RBFOX1: variants seen among roughly 807,000 people sequenced by gnomAD.
RBFOX1 encodes the protein RNA binding protein fox-1 homolog 1.
A neutral mutation model predicts 57.7 loss-of-function variants in RBFOX1; 8 were observed. The ratio of observed to expected loss-of-function variants is 0.14; its 90% CI spans 0.08 to 0.25. RBFOX1 has a LOEUF of 0.25. RBFOX1 is among the 10% of genes least tolerant of loss of function. RBFOX1 has a pLI of 1.00. For missense variants in RBFOX1, 611 were observed against 548.5 expected (o/e 1.11, Z -1.14); for synonymous variants, 326 against 222.4 (o/e 1.47, Z -4.15).
At chr16:6,849,103 T>A (rs1446869670) in intron 3 of RBFOX1, among the ~76,000 whole-genome samples, 1 of 152,168 alleles carries the variant, frequency 6.6e-6, no homozygotes, top group Non-Finnish European at 1.5e-5. Flanking sequence ...ACGCTCCACA[T>A]TTCTCCTTTG....
chr16:5,834,026 C>T (rs763085824), intron 3 of RBFOX1, among the ~76,000 whole-genome samples: 6 of 152,340 alleles, frequency 3.9e-5, no homozygotes, highest in Non-Finnish European at 8.8e-5. Context: ...TTTTTATCCT[C>T]AGTGTCCAGC....
At chr16:6,572,642 G>A (rs368528726) in intron 2 of RBFOX1, among the ~76,000 whole-genome samples, 44 of 151,854 alleles carry the variant, frequency 2.9e-4, no homozygotes, top group African/African-American at 1.0e-3. Flanking sequence ...ACCCAGGCTG[G>A]AGTGCAGTGT....
At position 5,513,659 on chromosome 16, in the gene RBFOX1, TTCAA is replaced by T. The variant is rs551780976; in HGVS notation, c.258+46409_258+46412del. On this transcript the variant is annotated intron_variant, in intron 2 of 2. Coordinates refer to the RBFOX1 transcript ENST00000585867. ...TTATTCCCCCACATTTGTTTATTTATTCAATCATTTATTTACATCACGATGGGAC... is the reference window on the plus strand; with the variant it reads ...TTATTCCCCCACATTTGTTTATTTATTCATTTATTTACATCACGATGGGAC... Among the ~76,000 whole-genome samples, 7 of 152,380 alleles carry T rather than the reference TTCAA, an allele frequency of 4.6e-5. No individual in the cohort carries two copies. In the East Asian group the frequency reaches 1.3e-3, roughly 29 times the overall value.
intron 2 of RBFOX1, among the ~76,000 whole-genome samples, chr16:6,645,463 T>C (rs868713483): frequency 2.0e-5 from 3 of 152,118 alleles, no homozygotes; most frequent in African/African-American, 4.8e-5. Flanking sequence ...ATGCTGCTGG[T>C]AAGGGATCCG....
At chr16:6,484,802 A>G (rs1436586887) in intron 2 of RBFOX1, among the ~76,000 whole-genome samples, 2 of 152,352 alleles carry the variant, frequency 1.3e-5, no homozygotes, top group South Asian at 2.1e-4. Context: ...TTATTTGCTA[A>G]AAGAGTCACT....
intron 2 of RBFOX1, among the ~76,000 whole-genome samples, chr16:6,537,872 T>G (rs2096757091): frequency 6.6e-6 from 1 of 151,920 alleles, no homozygotes; most frequent in Non-Finnish European, 1.5e-5. Flanking sequence ...TAAATTGAGT[T>G]AAATCATTAT....
intron 1 of RBFOX1, among the ~76,000 whole-genome samples, chr16:5,308,383 A>T (rs532796396): frequency 6.6e-6 from 1 of 151,814 alleles, no homozygotes; most frequent in Non-Finnish European, 1.5e-5. Context: ...CGCTCCCAAG[A>T]GGCAACAACT....
intron 3 of RBFOX1, among the ~76,000 whole-genome samples, chr16:6,779,862 TA>T (rs2080179005): frequency 3.6e-5 from 1 of 27,660 alleles, no homozygotes; most frequent in African/African-American, 2.1e-4. Flanking sequence ...TATATATATT[TA>T]TATATTTATA....
chr16:6,227,974 G>A (rs1366893392), intron 1 of RBFOX1, among the ~76,000 whole-genome samples: 4 of 152,160 alleles, frequency 2.6e-5, no homozygotes, highest in Non-Finnish European at 1.5e-5. Context: ...ATATATCGGA[G>A]AGATGTCTGC....
chr16:7,094,779 T>TGTGTGG (rs1555466483), intron 4 of RBFOX1, among the ~76,000 whole-genome samples: 4 of 135,050 alleles, frequency 3.0e-5, no homozygotes, highest in East Asian at 2.1e-4. Context: ...TGTGTGTGGG[T>TGTGTGG]GTGTGTGTGT....
In RBFOX1 at chr16:7,072,902, T is replaced by A. The variant is rs116510880; in HGVS notation, c.27+20804T>A. On this transcript the variant is annotated intron_variant, in intron 4 of 15. Coordinates refer to ENST00000550418, the MANE Select transcript of RBFOX1 (RefSeq NM_018723.4). ...TTGGGGATGAGGAAGTAGCTGGAATTTGTGGAACCGGTTGCTACAGAAAGG... is the reference window on the plus strand; with the variant it reads ...TTGGGGATGAGGAAGTAGCTGGAATATGTGGAACCGGTTGCTACAGAAAGG... 9.1e-4 allele frequency among the ~76,000 whole-genome samples: 138 copies of A among 152,294 alleles called. 1 individual carries two copies. Among genetic ancestry groups the A allele is most frequent in the African/African-American group, 3.2e-3 (134 of 41,576 alleles).
chr16:6,614,816 C>T (rs183270662), intron 2 of RBFOX1, among the ~76,000 whole-genome samples: 1 of 152,276 alleles, frequency 6.6e-6, no homozygotes, highest in African/African-American at 2.4e-5. Flanking sequence ...CCTAGGGACT[C>T]ACCCTACTCC....
chr16:5,327,799 G>A (rs913242350), intron 1 of RBFOX1, among the ~76,000 whole-genome samples: 12 of 152,192 alleles, frequency 7.9e-5, no homozygotes, highest in Admixed American at 2.0e-4. Flanking sequence ...TAATTTTCCT[G>A]TTAGTACCCC....
At chr16:6,415,951 T>C (rs956853268) in intron 2 of RBFOX1, among the ~76,000 whole-genome samples, 1 of 152,222 alleles carries the variant, frequency 6.6e-6, no homozygotes, top group Non-Finnish European at 1.5e-5. Context: ...AAATTTGTTG[T>C]TTCCTTGTGC....
chr16:7,688,599 G>C (rs1005410388), intron 14 of RBFOX1, among the ~76,000 whole-genome samples: 13 of 152,022 alleles, frequency 8.6e-5, no homozygotes, highest in African/African-American at 3.1e-4. Flanking sequence ...AAACTGCCAA[G>C]AGATGAGATT....
rs77186571 is a variant in RBFOX1, at chr16:6,857,972, G to C, written c.-15-194085G>C. Among the ~76,000 whole-genome samples the C allele has an allele frequency of 2.4e-3, 372 of 152,270 alleles. 2 individuals are homozygous for C. Among genetic ancestry groups the C allele is most frequent in the African/African-American group, 8.3e-3 (346 of 41,560 alleles). The stretch of plus-strand genomic sequence containing the variant: ...GACAATACTGGTTTTTCGTAGGTCA[G>C]ATGAAGTTGAGAGGGAGATTCTAAA... On this transcript the variant is annotated intron_variant, in intron 3 of 15. Coordinates refer to ENST00000550418, the MANE Select transcript of RBFOX1 (RefSeq NM_018723.4).
At chr16:7,278,231 G>A (rs939495339) in intron 4 of RBFOX1, among the ~76,000 whole-genome samples, 4 of 152,164 alleles carry the variant, frequency 2.6e-5, no homozygotes, top group Non-Finnish European at 4.4e-5. Flanking sequence ...AGTTGCAAAT[G>A]TGTGCCTATT....
At chr16:7,370,485 G>A (rs7206595) in intron 4 of RBFOX1, among the ~76,000 whole-genome samples, 61,344 of 151,916 alleles carry the variant, frequency 0.4, 13,288 homozygotes, top group East Asian at 0.57. Flanking sequence ...ATCAACGCGG[G>A]TAAGTTCTGT....
At chr16:6,800,235 C>T (rs1489481737) in intron 3 of RBFOX1, among the ~76,000 whole-genome samples, 1 of 146,104 alleles carries the variant, frequency 6.8e-6, no homozygotes, top group East Asian at 1.9e-4. Context: ...GTCTGTTTGC[C>T]CAAGACTGTC....
Sources: gnomAD v4.1 joint callset for allele counts (sites outside exome capture counted in the v4.1 genomes callset) on GRCh38, gnomAD v4.1.1 for gene constraint, MANE v1.5 for transcripts, NCBI Gene and HGNC (gene_info 2026-07-23, HGNC 2026-07-21) for gene names.